Variants in ATP9A observed in about 807,000 individuals in gnomAD.
The protein encoded by ATP9A is probable phospholipid-transporting ATPase IIA.
ATP9A carries 52 observed loss-of-function variants against 144.1 expected under a neutral mutation model. That is an observed-to-expected ratio of 0.36 (90% CI 0.29 to 0.45). The LOEUF is 0.45. Ranked by LOEUF, ATP9A falls within the 20% of genes least tolerant of loss-of-function variation. ATP9A has a pLI of 1.00. For synonymous variants in ATP9A, 582 were observed against 557.4 expected (o/e 1.04, Z -0.62); for missense variants, 947 against 1,392.7 (o/e 0.68, Z 5.09).
chr20:51,748,414 C>T (rs1490082382), intron 1 of ATP9A, among the ~76,000 whole-genome samples: 4 of 152,066 alleles, frequency 2.6e-5, no homozygotes, highest in Admixed American at 6.6e-5. Context: ...TGGGGCACAC[C>T]GCCAGTCCAG....
chr20:51,717,960 A>AAAAG (rs1247071771), intron 3 of ATP9A, among the ~76,000 whole-genome samples: 1 of 152,050 alleles, frequency 6.6e-6, no homozygotes, highest in Non-Finnish European at 1.5e-5. Flanking sequence ...AAAAAAAAAA[A>AAAAG]AAAGAAAGAA....
chr20:51,717,523 G>A (rs771477857), intron 3 of ATP9A, among the ~76,000 whole-genome samples: 1 of 152,154 alleles, frequency 6.6e-6, no homozygotes, highest in Non-Finnish European at 1.5e-5. Context: ...CCAACTGCTG[G>A]AGGTGCCAAA....
At chr20:51,763,303 T>C (rs1474335568) in intron 1 of ATP9A, among the ~76,000 whole-genome samples, 1 of 149,286 alleles carries the variant, frequency 6.7e-6, no homozygotes, top group Non-Finnish European at 1.5e-5. Context: ...TTTTAATCAA[T>C]GGTTTACATA....
At chr20:51,720,276 T>C (rs1027277183) in intron 3 of ATP9A, among the ~76,000 whole-genome samples, 1 of 152,232 alleles carries the variant, frequency 6.6e-6, no homozygotes, top group Non-Finnish European at 1.5e-5. Flanking sequence ...AATGTTATTT[T>C]ATATACATTG....
At chr20:51,687,763 CAA>C (rs201342511) in intron 9 of ATP9A, among the ~76,000 whole-genome samples, 4 of 129,934 alleles carry the variant, frequency 3.1e-5, no homozygotes, top group East Asian at 2.3e-4. Flanking sequence ...GACCCTGTCT[CAA>C]AAAAAAAAAA....
intron 23 of ATP9A, among the ~76,000 whole-genome samples, chr20:51,612,133 G>A (rs778593117): frequency 4.0e-5 from 6 of 151,898 alleles, no homozygotes; most frequent in Admixed American, 1.3e-4. Flanking sequence ...GGCCCTGTCC[G>A]AGGGCAAGGA....
chr20:51,736,746 G>A (rs2077764628), intron 1 of ATP9A, among the ~76,000 whole-genome samples: 1 of 151,906 alleles, frequency 6.6e-6, no homozygotes, highest in Admixed American at 6.6e-5. Flanking sequence ...AGGTATATGA[G>A]TTATGTCTCA....
intron 27 of ATP9A, among the ~76,000 whole-genome samples, chr20:51,604,132 T>C (rs1389415235): frequency 6.6e-6 from 1 of 152,110 alleles, no homozygotes; most frequent in East Asian, 1.9e-4. Flanking sequence ...CTCACCCCAT[T>C]TTTCTTTCTT....
intron 15 of ATP9A, among the ~76,000 whole-genome samples, chr20:51,634,068 TCACAGACTCTAAG>T (rs2077280974): frequency 6.6e-6 from 1 of 152,128 alleles, no homozygotes; most frequent in South Asian, 2.1e-4. Context: ...TCTGACAGCA[TCACAGACTCTAAG>T]CACAGAGTCC....
intron 3 of ATP9A, among the ~76,000 whole-genome samples, chr20:51,717,919 A>AGTGAG (rs2077669267): frequency 6.6e-6 from 1 of 151,412 alleles, no homozygotes; most frequent in Non-Finnish European, 1.5e-5. Context: ...ACGCCATTGC[A>AGTGAG]CTCCAGCCTG....
chr20:51,725,209 G>A (rs1471728333), intron 3 of ATP9A, among the ~76,000 whole-genome samples: 4 of 152,076 alleles, frequency 2.6e-5, no homozygotes, highest in Non-Finnish European at 5.9e-5. Context: ...TGCAACCTCT[G>A]CCTCTCAGGT....
chr20:51,647,550 C>T (rs1214442964), intron 14 of ATP9A, among the ~76,000 whole-genome samples: 2 of 151,406 alleles, frequency 1.3e-5, no homozygotes, highest in Non-Finnish European at 2.9e-5. Context: ...GACTTCATCT[C>T]AAAACAAACA....
At chr20:51,682,627 G>A (rs1344656733) in intron 9 of ATP9A, among the ~76,000 whole-genome samples, 14 of 93,366 alleles carry the variant, frequency 1.5e-4, no homozygotes, top group Admixed American at 1.0e-3. Flanking sequence ...TTTCCCTCTT[G>A]TGGCCCAGGT....
intron 22 of ATP9A, among the ~76,000 whole-genome samples, chr20:51,616,722 T>C (rs146063981): frequency 7.9e-5 from 12 of 152,246 alleles, no homozygotes; most frequent in East Asian, 5.8e-4. Context: ...AAGCGCACAA[T>C]TGGCAAGGAG....
intron 18 of ATP9A, among the ~76,000 whole-genome samples, chr20:51,623,801 A>AAAAG (rs71192537): frequency 0.22 from 28,862 of 132,776 alleles, 3,360 homozygotes; most frequent in African/African-American, 0.24. Flanking sequence ...AAAAAAAAAA[A>AAAAG]AAAGAAAGAA....
rs1568803544 is a variant in ATP9A, at chr20:51,651,309, A to ATTATATAATATATATTTACATT, written c.1506+5628_1506+5629insAATGTAAATATATATTATATAA. 9.1e-5 allele frequency among the ~76,000 whole-genome samples: 9 copies of ATTATATAATATATATTTACATT among 98,420 alleles called. 1 individual carries two copies. In the East Asian group the frequency reaches 2.4e-3, roughly 27 times the overall value. The allele number at this position is 98,420 out of a possible 152,430, so 64.6% of individuals were successfully genotyped here. A position where few individuals can be genotyped will look rare whatever the true frequency, so the allele number is the denominator to read the frequency against. On this transcript the variant is annotated intron_variant, in intron 14 of 27. Transcript: ENST00000338821. Reference sequence around the variant, plus strand: ...TATATTATATAATATATATTTACATAATATATTATATAATATATATTTACA... The same window carrying ATTATATAATATATATTTACATT: ...TATATTATATAATATATATTTACATATTATATAATATATATTTACATTATATATTATATAATATATATTTACA...
chr20:51,688,781 C>G (rs892583168), intron 9 of ATP9A, among the ~76,000 whole-genome samples: 9 of 152,198 alleles, frequency 5.9e-5, no homozygotes, highest in Middle Eastern at 3.4e-3. Context: ...CTGCCTCCCC[C>G]TCTGGTACAG....
chr20:51,767,298 G>A (rs1444654462), intron 1 of ATP9A, among the ~76,000 whole-genome samples: 1 of 152,150 alleles, frequency 6.6e-6, no homozygotes, highest in East Asian at 1.9e-4. Flanking sequence ...CACCTGCGCG[G>A]CCTGTGGAGC....
intron 9 of ATP9A, among the ~76,000 whole-genome samples, chr20:51,679,351 C>T (rs1483826246): frequency 6.6e-6 from 1 of 152,072 alleles, no homozygotes; most frequent in Admixed American, 6.5e-5. Context: ...AAAAAGAGAT[C>T]TCTGGCTTTT....
Sources: allele counts gnomAD v4.1 joint callset (sites outside exome capture counted in the v4.1 genomes callset), GRCh38; gene constraint gnomAD v4.1.1; transcripts MANE v1.5; gene names NCBI Gene and HGNC (gene_info 2026-07-23, HGNC 2026-07-21).